The following CACNA1C variants were observed in gnomAD, a reference collection of about 807,000 sequenced individuals.
The protein encoded by CACNA1C is voltage-dependent L-type calcium channel subunit alpha-1C.
Under a neutral mutation model 229.0 loss-of-function variants are expected in CACNA1C, and 30 were observed. The observed-to-expected ratio is 0.13, with a 90% confidence interval of 0.10 to 0.18. CACNA1C has a LOEUF of 0.18. Ranked by LOEUF, CACNA1C falls within the 10% of genes least tolerant of loss-of-function variation. The pLI, the probability that CACNA1C is intolerant of heterozygous loss-of-function variation, is 1.00. For synonymous variants in CACNA1C, 1,114 were observed against 1,132.5 expected (o/e 0.98, Z 0.33); for missense variants, 1,658 against 2,845.0 (o/e 0.58, Z 9.49).
intron 9 of CACNA1C, among the ~76,000 whole-genome samples, chr12:2,543,360 T>C (rs955074299): frequency 5.9e-5 from 9 of 152,336 alleles, no homozygotes; most frequent in East Asian, 3.9e-4. Context: ...TCCAACCAAC[T>C]CATCATTTGA....
intron 37 of CACNA1C, among the ~76,000 whole-genome samples, chr12:2,668,282 G>A (rs2096344047): frequency 6.6e-6 from 1 of 152,166 alleles, no homozygotes; most frequent in Admixed American, 6.5e-5. Flanking sequence ...TCCTTTTGTG[G>A]AAGTGAAGGT....
intron 3 of CACNA1C, among the ~76,000 whole-genome samples, chr12:2,143,800 G>A (rs1005631357): frequency 1.1e-4 from 16 of 151,098 alleles, no homozygotes; most frequent in African/African-American, 3.9e-4. Context: ...CCTGGATTTG[G>A]TTGGGTTGTG....
chr12:2,246,812 G>A (rs1445173480), intron 3 of CACNA1C, among the ~76,000 whole-genome samples: 2 of 152,162 alleles, frequency 1.3e-5, no homozygotes, highest in African/African-American at 4.8e-5. Context: ...CCAAGGTTGG[G>A]GGTGAGGGGT....
At position 2,512,111 on chromosome 12, in the gene CACNA1C, G is replaced by A. The variant is rs2099785582; in HGVS notation, c.1218-701G>A. Among the ~76,000 whole-genome samples, 1 of 152,178 alleles carries A rather than the reference G, an allele frequency of 6.6e-6. No individual in the cohort carries two copies. The highest frequency in any genetic ancestry group is 2.1e-4 in the South Asian group (1 of 4,822). Reference sequence around the variant, plus strand: ...TGAGCTCGTCATAAGAATAGAGATTGAGGACATTAAATCTCCTGGGTCCCA... The same window carrying A: ...TGAGCTCGTCATAAGAATAGAGATTAAGGACATTAAATCTCCTGGGTCCCA... On this transcript the variant is annotated intron_variant, in intron 8 of 46. Coordinates refer to ENST00000399655, the MANE Select transcript of CACNA1C (RefSeq NM_000719.7). The surrounding 1 kb of genome is among the most constrained non-coding windows in gnomAD (Gnocchi z 4.3).
chr12:2,072,069 A>G (rs1368010841), intron 1 of CACNA1C, among the ~76,000 whole-genome samples: 1 of 152,148 alleles, frequency 6.6e-6, no homozygotes, highest in Non-Finnish European at 1.5e-5. Flanking sequence ...GGTTATAATA[A>G]ATATACCTCT....
At chr12:1,978,100 T>A (rs1283476731) in intron 1 of CACNA1C, among the ~76,000 whole-genome samples, 4 of 152,218 alleles carry the variant, frequency 2.6e-5, no homozygotes, top group Non-Finnish European at 5.9e-5. Flanking sequence ...TATTAAGTTA[T>A]ACGGTTTCCA....
intron 3 of CACNA1C, among the ~76,000 whole-genome samples, chr12:2,351,505 A>G (rs2154526877): frequency 6.6e-6 from 1 of 152,288 alleles, no homozygotes; most frequent in South Asian, 2.1e-4. Context: ...CCTGTCAGCA[A>G]TGGGTGGCAT....
At chr12:2,312,161 C>T (rs1048500340) in intron 3 of CACNA1C, among the ~76,000 whole-genome samples, 1 of 152,102 alleles carries the variant, frequency 6.6e-6, no homozygotes, top group Non-Finnish European at 1.5e-5. Flanking sequence ...ACACCCGCTC[C>T]GAGTTTGTTA....
Position 2,665,757 on chromosome 12 carries a change from A to G in CACNA1C, c.4526+49A>G, listed in dbSNP as rs1340239249. 1.3e-6 allele frequency: 2 copies of G among 1,578,086 alleles called. No individual in the cohort carries two copies. Among genetic ancestry groups the G allele is most frequent in the Admixed American group, 1.8e-5 (1 of 55,168 alleles). ...GATTCCCCAAGCTGAGAGAGGGTATAGCTGACCATACCTGCAGGAGGGGCT... is the reference window on the plus strand; with the variant it reads ...GATTCCCCAAGCTGAGAGAGGGTATGGCTGACCATACCTGCAGGAGGGGCT... On this transcript the variant is annotated intron_variant, in intron 36 of 46. Transcript: ENST00000399655. This position sits in a 1 kb window ranked among gnomAD's most constrained non-coding sequence, Gnocchi z 5.9.
chr12:2,008,409 T>G (rs1411896287), intron 1 of CACNA1C, among the ~76,000 whole-genome samples: 1 of 152,082 alleles, frequency 6.6e-6, no homozygotes, highest in Non-Finnish European at 1.5e-5. Context: ...CTTTTTATGT[T>G]TTGTAGTGAT....
intron 3 of CACNA1C, among the ~76,000 whole-genome samples, chr12:2,368,336 A>G (rs1312795233): frequency 1.3e-5 from 2 of 152,218 alleles, no homozygotes; most frequent in East Asian, 1.9e-4. Flanking sequence ...GGAAAGGAAG[A>G]GAGAAAATTA....
At chr12:2,092,911 A>T (rs1315453348) in intron 1 of CACNA1C, among the ~76,000 whole-genome samples, 2 of 152,324 alleles carry the variant, frequency 1.3e-5, no homozygotes, top group East Asian at 3.9e-4. Flanking sequence ...ACTATGCCAC[A>T]TCATATCTTC....
At chr12:2,418,696 G>A (rs1341965330) in intron 3 of CACNA1C, among the ~76,000 whole-genome samples, 1 of 152,162 alleles carries the variant, frequency 6.6e-6, no homozygotes, top group Non-Finnish European at 1.5e-5. Flanking sequence ...GGGCAATCCT[G>A]ATCAGTGGGA....
intron 3 of CACNA1C, among the ~76,000 whole-genome samples, chr12:2,318,104 C>T (rs780829395): frequency 5.5e-4 from 84 of 151,980 alleles, no homozygotes; most frequent in Non-Finnish European, 1.0e-3. Flanking sequence ...TTGGTCTGAC[C>T]GGCCCAGGGT....
chr12:2,004,111 C>T (rs2042820607), intron 1 of CACNA1C: 2 of 926,634 alleles, frequency 2.2e-6, no homozygotes, highest in Admixed American at 2.7e-5. Flanking sequence ...GCCTTCCTTC[C>T]CCCAAACCCC....
chr12:2,286,690 T>C (rs565818750), intron 3 of CACNA1C, among the ~76,000 whole-genome samples: 22 of 151,178 alleles, frequency 1.5e-4, no homozygotes, highest in African/African-American at 4.6e-4. Context: ...CTGTGGCCAG[T>C]GGAAGGAGAC....
chr12:2,481,269 C>G (rs1478041912), intron 5 of CACNA1C, among the ~76,000 whole-genome samples: 1 of 152,154 alleles, frequency 6.6e-6, no homozygotes, highest in Non-Finnish European at 1.5e-5. Flanking sequence ...AATGGAAGCA[C>G]CAACTTTGGC....
intron 3 of CACNA1C, among the ~76,000 whole-genome samples, chr12:2,245,033 C>G (rs1029062406): frequency 6.6e-6 from 1 of 152,132 alleles, no homozygotes; most frequent in Non-Finnish European, 1.5e-5. Flanking sequence ...CCTGAACGTA[C>G]TTGTGTGCTT....
intron 5 of CACNA1C, among the ~76,000 whole-genome samples, chr12:2,476,533 A>C (rs1349215712): frequency 2.0e-5 from 3 of 152,226 alleles, no homozygotes; most frequent in Admixed American, 1.3e-4. Context: ...AGTTAATACT[A>C]TTATTGTTGT....
Sources: allele counts gnomAD v4.1 joint callset (sites outside exome capture counted in the v4.1 genomes callset), GRCh38; gene constraint gnomAD v4.1.1; non-coding constraint Gnocchi (gnomAD v3.1); transcripts MANE v1.5; gene names NCBI Gene and HGNC (gene_info 2026-07-23, HGNC 2026-07-21).